Variants in TLK1 observed in about 807,000 individuals in gnomAD.
The protein encoded by TLK1 is serine/threonine-protein kinase tousled-like 1.
A neutral mutation model predicts 105.3 loss-of-function variants in TLK1; 24 were observed. The observed-to-expected ratio is 0.23, with a 90% CI of 0.17 to 0.32. The LOEUF (loss-of-function observed/expected upper bound fraction) is 0.32. Among genes scored for constraint, TLK1 ranks in the 10% least tolerant of loss-of-function variants. The pLI, the probability that TLK1 is intolerant of heterozygous loss-of-function variation, is 1.00. For synonymous variants in TLK1, 321 were observed against 310.4 expected, an observed-to-expected ratio of 1.03 and a Z score of -0.36; for missense variants, 558 against 910.5, an observed-to-expected ratio of 0.61 and a Z score of 4.98.
At chr2:171,159,806 C>G (rs1692384843) in intron 1 of TLK1, 5 of 153,656 alleles carry the variant, frequency 3.3e-5, no homozygotes, top group African/African-American at 4.8e-5. Flanking sequence ...CTCCAGGTCC[C>G]GGGCAGCAAA....
At chr2:171,188,782 G>A (rs548446317) in intron 1 of TLK1, among the ~76,000 whole-genome samples, 28 of 151,596 alleles carry the variant, frequency 1.8e-4, no homozygotes, top group Non-Finnish European at 3.4e-4. Context: ...GCTGAGGCAG[G>A]AGAATCACTT....
Position 171,166,137 on chromosome 2 carries a change from C to A in TLK1, c.-5-48280G>T, listed in dbSNP as rs556377435. Among the ~76,000 whole-genome samples the A allele has an allele frequency of 1.2e-4, 18 of 152,352 alleles. No homozygotes were observed. The South Asian group carries it at 3.5e-3, about 30-fold the overall frequency. ...AAAGCTACAAGTTAGAGCTGCTTCT[C>A]CCCATCAGAGCCAATTATTAAGCAT... On this transcript the variant is annotated intron_variant, in intron 1 of 20. Coordinates refer to the TLK1 transcript ENST00000521943.
At chr2:171,059,919 C>T in intron 4 of TLK1, 1 of 1,412,292 alleles carries the variant, frequency 7.1e-7, no homozygotes, top group Non-Finnish European at 1.0e-6. Flanking sequence ...TGGCCCGCTG[C>T]TCACCTCCTG....
rs142355072 is a variant in TLK1, at chr2:171,063,940, T to C, written c.331-2784A>G. Reference sequence around the variant, plus strand: ...ATGCACTTCAGGATATTTAAGGTTGTTTTGTTGTTTAACATACAGATTACT... The same window carrying C: ...ATGCACTTCAGGATATTTAAGGTTGCTTTGTTGTTTAACATACAGATTACT... On this transcript the variant is annotated intron_variant, in intron 3 of 20. Transcript: ENST00000431350. Among the ~76,000 whole-genome samples, 33 of 152,330 alleles carry C rather than the reference T, an allele frequency of 2.2e-4. No homozygotes were observed. In the East Asian group the frequency reaches 4.2e-3, roughly 20 times the overall value.
At chr2:171,102,854 G>A (rs530988201) in intron 2 of TLK1, among the ~76,000 whole-genome samples, 3 of 152,108 alleles carry the variant, frequency 2.0e-5, no homozygotes, top group Non-Finnish European at 4.4e-5. Context: ...GAAGTCCAGT[G>A]CTCATGGAGT....
Position 171,011,355 on chromosome 2 carries a change from G to A in TLK1, c.1416+18C>T, listed in dbSNP as rs1684907681. On this transcript the variant is annotated intron_variant, in intron 14 of 20. Coordinates refer to ENST00000431350, the MANE Select transcript of TLK1 (RefSeq NM_012290.5). ...TTGCTACATTAGTGTAAAAAAAACA[G>A]AATAAAACATACATTACCTTATACA... 2 of 1,587,848 alleles carry A rather than the reference G, an allele frequency of 1.3e-6. No homozygotes were observed. The highest frequency in any genetic ancestry group is 2.2e-5 in the East Asian group (1 of 44,468).
At chr2:171,029,613 G>A (rs183685322) in intron 11 of TLK1, among the ~76,000 whole-genome samples, 12 of 152,304 alleles carry the variant, frequency 7.9e-5, no homozygotes, top group Admixed American at 1.3e-4. Context: ...ACAGGTGTAC[G>A]CCACCATGCC....
chr2:171,109,266 C>T (rs1424568125), intron 2 of TLK1, among the ~76,000 whole-genome samples: 2 of 152,190 alleles, frequency 1.3e-5, no homozygotes, highest in African/African-American at 4.8e-5. Flanking sequence ...ATACAAACTA[C>T]TTTCCAACTG....
At chr2:171,008,690 GT>G (rs1230897245) in intron 14 of TLK1, among the ~76,000 whole-genome samples, 1 of 152,094 alleles carries the variant, frequency 6.6e-6, no homozygotes, top group Non-Finnish European at 1.5e-5. Flanking sequence ...TTGTCTAGTT[GT>G]TTCCCAACAG....
At chr2:171,149,065 C>T (rs1034250911) in intron 1 of TLK1, among the ~76,000 whole-genome samples, 3 of 139,338 alleles carry the variant, frequency 2.2e-5, no homozygotes, top group Non-Finnish European at 3.1e-5. Context: ...AAATATTATG[C>T]AAATAGTCAT....
intron 14 of TLK1, among the ~76,000 whole-genome samples, chr2:171,007,312 T>A (rs1458277203): frequency 6.6e-6 from 1 of 152,006 alleles, no homozygotes; most frequent in Non-Finnish European, 1.5e-5. Flanking sequence ...TAAATGCCAA[T>A]ATACTGAATA....
At chr2:171,074,019 T>C (rs1688385572) in intron 3 of TLK1, among the ~76,000 whole-genome samples, 1 of 151,958 alleles carries the variant, frequency 6.6e-6, no homozygotes, top group South Asian at 2.1e-4. Flanking sequence ...GCCTCCTGAG[T>C]AGCTGGTATT....
chr2:170,993,693 A>AT lies in TLK1; in HGVS notation c.*86_*87insA. The AT allele has an allele frequency of 4.7e-6, 5 of 1,057,362 alleles. No individual in the cohort carries two copies. Among genetic ancestry groups the AT allele is most frequent in the South Asian group, 2.8e-5 (1 of 35,844 alleles). 65.5% of individuals were successfully genotyped at this position (1,057,362 alleles called of 1,614,324 possible). On this transcript the variant is annotated 3_prime_UTR_variant, in exon 21 of 21. Coordinates refer to ENST00000431350, the MANE Select transcript of TLK1 (RefSeq NM_012290.5). ...TAAAAAAAAAAAAAAAAAAAAAAGAAAAAGAAAACAAACACTCAAATGCTC... is the reference window on the plus strand; with the variant it reads ...TAAAAAAAAAAAAAAAAAAAAAAGAATAAAGAAAACAAACACTCAAATGCTC...
Position 171,061,067 on chromosome 2 carries a change from T to A in TLK1, c.406+14A>T, listed in dbSNP as rs768550895. 6.2e-7 allele frequency: 1 copy of A among 1,611,318 alleles called. No homozygotes were observed. Among genetic ancestry groups the A allele is most frequent in the Admixed American group, 1.7e-5 (1 of 59,844 alleles). On this transcript the variant is annotated intron_variant, in intron 4 of 20. Coordinates refer to ENST00000431350, the MANE Select transcript of TLK1 (RefSeq NM_012290.5). ...GTGTCCACTAGGCTCTGAAGGAAGA[T>A]GTTATGTGCTTACCCTGACTACTTT... is the stretch of plus-strand genomic sequence containing the variant.
chr2:171,138,582 G>C (rs542760058), intron 1 of TLK1, among the ~76,000 whole-genome samples: 2 of 152,256 alleles, frequency 1.3e-5, no homozygotes, highest in Non-Finnish European at 2.9e-5. Flanking sequence ...CTTGTAGTTT[G>C]TAAATACTAT....
At chr2:171,024,606 T>C (rs1339028920) in intron 12 of TLK1, among the ~76,000 whole-genome samples, 2 of 152,174 alleles carry the variant, frequency 1.3e-5, no homozygotes, top group Non-Finnish European at 1.5e-5. Flanking sequence ...CAACTTACTA[T>C]TAATCTACAA....
At chr2:171,076,692 G>A (rs1688524405) in intron 3 of TLK1, among the ~76,000 whole-genome samples, 1 of 147,672 alleles carries the variant, frequency 6.8e-6, no homozygotes, top group African/African-American at 2.5e-5. Context: ...AAGGTCAGGA[G>A]ATCAAGAGCA....
intron 3 of TLK1, among the ~76,000 whole-genome samples, chr2:171,082,278 A>G (rs1231280821): frequency 1.3e-5 from 2 of 152,142 alleles, no homozygotes; most frequent in Non-Finnish European, 2.9e-5. Flanking sequence ...AAGTGGGTAA[A>G]AGGGGGAGGG....
chr2:171,197,193 G>T (rs920871282), intron 1 of TLK1, among the ~76,000 whole-genome samples: 3 of 152,012 alleles, frequency 2.0e-5, no homozygotes, highest in Non-Finnish European at 4.4e-5. Flanking sequence ...GAAAATATAT[G>T]ATAAACTTCT....
Sources: allele counts gnomAD v4.1 joint callset (sites outside exome capture counted in the v4.1 genomes callset), GRCh38; gene constraint gnomAD v4.1.1; transcripts MANE v1.5; gene names NCBI Gene and HGNC (gene_info 2026-07-23, HGNC 2026-07-21).